Variants in TSPAN18 observed in about 807,000 individuals in gnomAD.
The protein encoded by TSPAN18 is tetraspanin 18.
TSPAN18 carries 14 observed loss-of-function variants against 27.3 expected under a neutral mutation model. The observed-to-expected ratio is 0.51, with a 90% CI of 0.34 to 0.80. TSPAN18 has a LOEUF of 0.80. TSPAN18 is among the 30% of genes least tolerant of loss of function. The pLI is 0.01. For synonymous variants in TSPAN18, 143 were observed against 136.5 expected, an observed-to-expected ratio of 1.05 and a Z score of -0.33; for missense variants, 268 against 323.9, an observed-to-expected ratio of 0.83 and a Z score of 1.32.
At chr11:44,782,093 T>C (rs1422418907) in intron 2 of TSPAN18, among the ~76,000 whole-genome samples, 1 of 152,260 alleles carries the variant, frequency 6.6e-6, no homozygotes, top group Non-Finnish European at 1.5e-5. Flanking sequence ...ATTCACCCTT[T>C]GATGGATGTA....
At chr11:44,855,647 A>T (rs61880641) in intron 2 of TSPAN18, among the ~76,000 whole-genome samples, 29,220 of 151,874 alleles carry the variant, frequency 0.19, 3,336 homozygotes, top group South Asian at 0.4. Flanking sequence ...AGTCAAGCTG[A>T]CACCTCAAAT....
chr11:44,856,792 A>T (rs115586199), intron 2 of TSPAN18, among the ~76,000 whole-genome samples: 3 of 152,020 alleles, frequency 2.0e-5, no homozygotes, highest in Admixed American at 2.0e-4. Context: ...ATTTCGGGAA[A>T]TACTTGTCCA....
chr11:44,926,431 G>A (rs568085963), intron 8 of TSPAN18: 43 of 523,592 alleles, frequency 8.2e-5, no homozygotes, highest in African/African-American at 4.0e-4. Flanking sequence ...TGGCCTGCAC[G>A]CTGTCAGTTC....
chr11:44,918,189 C>T, intron 6 of TSPAN18, 143 bp downstream of exon 6: 1 of 848,260 alleles, frequency 1.2e-6, no homozygotes, highest in African/African-American at 1.7e-5. Flanking sequence ...GTCATGGCCC[C>T]ACCCGCCTGG....
intron 2 of TSPAN18, among the ~76,000 whole-genome samples, chr11:44,817,501 G>A (rs559245211): frequency 3.3e-5 from 5 of 152,342 alleles, no homozygotes; most frequent in South Asian, 2.1e-4. Context: ...TCAGCTCTAC[G>A]TGTGTTTATG....
At chr11:44,881,537 T>C (rs1858489584) in intron 3 of TSPAN18, among the ~76,000 whole-genome samples, 1 of 152,232 alleles carries the variant, frequency 6.6e-6, no homozygotes, top group Non-Finnish European at 1.5e-5. Flanking sequence ...AGTTTTCTAT[T>C]TGTGAACTGA....
chr11:44,887,104 A>T (rs915929213), intron 3 of TSPAN18, among the ~76,000 whole-genome samples: 1 of 152,196 alleles, frequency 6.6e-6, no homozygotes, highest in Non-Finnish European at 1.5e-5. Flanking sequence ...ATTTTTTATT[A>T]TCTGACTTTC....
chr11:44,853,510 T>C (rs1857653922), intron 2 of TSPAN18, among the ~76,000 whole-genome samples: 1 of 152,174 alleles, frequency 6.6e-6, no homozygotes, highest in Non-Finnish European at 1.5e-5. Flanking sequence ...CTTTATGGCT[T>C]TTGCTGTATT....
At chr11:44,819,257 C>T (rs908933647) in intron 2 of TSPAN18, among the ~76,000 whole-genome samples, 2 of 152,154 alleles carry the variant, frequency 1.3e-5, no homozygotes, top group African/African-American at 4.8e-5. Flanking sequence ...TGGGAATTTG[C>T]ACCCACGCAA....
chr11:44,729,725 G>A (rs1238652175), intron 1 of TSPAN18, among the ~76,000 whole-genome samples: 4 of 152,120 alleles, frequency 2.6e-5, no homozygotes, highest in Non-Finnish European at 5.9e-5. Flanking sequence ...CCTTGGGGTT[G>A]GGTTTAGGAC....
intron 1 of TSPAN18, among the ~76,000 whole-genome samples, chr11:44,747,390 C>T (rs771267748): frequency 1.3e-5 from 2 of 152,212 alleles, no homozygotes; most frequent in African/African-American, 2.4e-5. Context: ...GGACTTCCCT[C>T]CTCTAAGACT....
intron 2 of TSPAN18, among the ~76,000 whole-genome samples, chr11:44,835,215 G>T (rs561071777): frequency 2.0e-5 from 3 of 152,252 alleles, no homozygotes; most frequent in African/African-American, 7.2e-5. Context: ...AGCACTGCTG[G>T]AGTATGGGCA....
At chr11:44,842,436 G>A (rs1857392200) in intron 2 of TSPAN18, among the ~76,000 whole-genome samples, 1 of 152,190 alleles carries the variant, frequency 6.6e-6, no homozygotes, top group South Asian at 2.1e-4. Context: ...GATGCACAGA[G>A]CATTTTCTAT....
chr11:44,917,276 A>C (rs748251660), intron 5 of TSPAN18, among the ~76,000 whole-genome samples: 1 of 152,236 alleles, frequency 6.6e-6, no homozygotes, highest in Non-Finnish European at 1.5e-5. Flanking sequence ...TGGGCAAGGA[A>C]GGGCAGTGCC....
At chr11:44,790,616 G>T (rs1358384827) in intron 2 of TSPAN18, among the ~76,000 whole-genome samples, 1 of 151,896 alleles carries the variant, frequency 6.6e-6, no homozygotes, top group Non-Finnish European at 1.5e-5. Flanking sequence ...GTGTTCGTGT[G>T]TGTGTGTGCA....
At chr11:44,799,587 C>T (rs1332174298) in intron 2 of TSPAN18, among the ~76,000 whole-genome samples, 1 of 152,184 alleles carries the variant, frequency 6.6e-6, no homozygotes, top group East Asian at 1.9e-4. Flanking sequence ...CCCTCCCAGG[C>T]CTATTGCGTG....
intron 3 of TSPAN18, among the ~76,000 whole-genome samples, chr11:44,864,253 C>A (rs1857973924): frequency 7.1e-6 from 1 of 141,060 alleles, no homozygotes. Flanking sequence ...CACCACTGCA[C>A]TCCAGCCTGG....
intron 2 of TSPAN18, among the ~76,000 whole-genome samples, chr11:44,787,350 A>G (rs771248951): frequency 6.6e-6 from 1 of 152,210 alleles, no homozygotes; most frequent in Non-Finnish European, 1.5e-5. Flanking sequence ...TGCAATTCAG[A>G]GTCACCTTAT....
intron 2 of TSPAN18, among the ~76,000 whole-genome samples, chr11:44,802,938 G>A (rs550354573): frequency 6.6e-6 from 1 of 152,274 alleles, no homozygotes; most frequent in African/African-American, 2.4e-5. Flanking sequence ...AAGATGGTGG[G>A]GACAGTGGAG....
Sources: allele counts gnomAD v4.1 joint callset (sites outside exome capture counted in the v4.1 genomes callset), GRCh38; gene constraint gnomAD v4.1.1; transcripts MANE v1.5; gene names NCBI Gene and HGNC (gene_info 2026-07-23, HGNC 2026-07-21).